Variants in RRBP1 observed in about 807,000 individuals in gnomAD.
RRBP1 encodes ribosome binding protein 1, also known as ribosome-binding protein 1.
RRBP1 carries 94 observed loss-of-function variants against 165.2 expected under a neutral mutation model. The ratio of observed to expected loss-of-function variants is 0.57; its 90% CI spans 0.48 to 0.68. The LOEUF (loss-of-function observed/expected upper bound fraction) is 0.68. Among genes scored for constraint, RRBP1 ranks in the 30% least tolerant of loss-of-function variants. The pLI is 0.00. For synonymous variants in RRBP1, 680 were observed against 714.5 expected, an observed-to-expected ratio of 0.95 and a Z score of 0.77; for missense variants, 1,676 against 1,763.0, an observed-to-expected ratio of 0.95 and a Z score of 0.88.
chr20:17,659,793 C>T lies in RRBP1; in HGVS notation c.715G>A (p.Gly239Arg). The change falls in exon 3 of 25, where the codon GGG becomes AGG. Residue 239 changes from glycine to arginine, a missense_variant. By Grantham distance (125) the Gly-to-Arg change is moderately radical. This residue lies in a region of RRBP1 where 392 missense variants were observed against 382.5 expected (regional missense o/e 1.02). Transcript: ENST00000377813. Reference sequence around the variant, plus strand: ...TTTGGGGTTCCCTCTGCCTTTTTCCCTTGGTTTGGGGTTCCCTCTGTCTTT... The same window carrying T: ...TTTGGGGTTCCCTCTGCCTTTTTCCTTTGGTTTGGGGTTCCCTCTGTCTTT... ...GKKTEGTPNQ[G>R]KKAEGTPNQG... The T allele has an allele frequency of 6.4e-7, 1 of 1,550,748 alleles. No individual in the cohort carries two copies. Among genetic ancestry groups the T allele is most frequent in the Non-Finnish European group, 8.7e-7 (1 of 1,146,970 alleles).
chr20:17,613,959 C>T lies in RRBP1; in HGVS notation c.*223G>A, dbSNP rs1384051902. ...GTCACTCGGCGGTGGCCCGGGGCTGCGCCCAGGATAGTGTTTATCAAATGT... is the reference window on the plus strand; with the variant it reads ...GTCACTCGGCGGTGGCCCGGGGCTGTGCCCAGGATAGTGTTTATCAAATGT... On this transcript the variant is annotated 3_prime_UTR_variant, in exon 25 of 25. Transcript: ENST00000377813. The T allele has an allele frequency of 3.1e-5, 17 of 545,088 alleles. No homozygotes were observed. The highest frequency in any genetic ancestry group is 1.3e-4 in the Admixed American group (4 of 31,758). 33.8% of individuals were successfully genotyped at this position (545,088 alleles called of 1,614,324 possible).
chr20:17,617,291 C>T lies in RRBP1; in HGVS notation c.3760-452G>A, dbSNP rs143366337. Among the ~76,000 whole-genome samples, 77 of 152,378 alleles carry T rather than the reference C, an allele frequency of 5.1e-4. No homozygotes were observed. In the Middle Eastern group the frequency reaches 0.01, roughly 20 times the overall value. ...AACAAGGTCCCCCACCCCTACGCTC[C>T]ATCACTGGGGTTAGGTGGCATATCT... is the stretch of plus-strand genomic sequence containing the variant. On this transcript the variant is annotated intron_variant, in intron 20 of 24. Coordinates refer to ENST00000377813, the MANE Select transcript of RRBP1 (RefSeq NM_001365613.2).
intron 1 of RRBP1, among the ~76,000 whole-genome samples, 185 bp from the exon 2 acceptor site, chr20:17,680,260 C>T (rs1222485427): frequency 6.6e-6 from 1 of 152,140 alleles, no homozygotes; most frequent in Non-Finnish European, 1.5e-5. Flanking sequence ...GAGAATGCCC[C>T]CCAGCTGCAC....
intron 2 of RRBP1, among the ~76,000 whole-genome samples, chr20:17,664,093 C>CA (rs1321994932): frequency 1.3e-5 from 2 of 152,116 alleles, no homozygotes; most frequent in African/African-American, 2.4e-5. Context: ...ACGAGATTAA[C>CA]AATAATAAAA....
rs1355662583 is a variant in RRBP1, at chr20:17,664,307, C to T, written c.-21-3779G>A. 2.6e-5 allele frequency among the ~76,000 whole-genome samples: 4 copies of T among 152,160 alleles called. No homozygotes were observed. The East Asian group carries it at 5.8e-4, about 22-fold the overall frequency. ...GGGATCGTTCACATCCCAGGCAAGA[C>T]GCTACTCAGAATGGCATGCAACTTA... is the stretch of plus-strand genomic sequence containing the variant. On this transcript the variant is annotated intron_variant, in intron 2 of 24. Coordinates refer to ENST00000377813, the MANE Select transcript of RRBP1 (RefSeq NM_001365613.2).
At chr20:17,621,332 G>A (rs1313758251) in intron 16 of RRBP1, 126 bp downstream of exon 16, 2 of 666,252 alleles carry the variant, frequency 3.0e-6, no homozygotes, top group East Asian at 2.7e-5. Context: ...CGAAGAACGG[G>A]GCCCAGAGTC....
chr20:17,658,397 C>T (rs1432246449), intron 3 of RRBP1, among the ~76,000 whole-genome samples, 199 bp downstream of exon 3: 1 of 152,224 alleles, frequency 6.6e-6, no homozygotes, highest in Non-Finnish European at 1.5e-5. Context: ...ACCGAGAAAG[C>T]TCACATCTGC....
chr20:17,614,135 G>C lies in RRBP1; in HGVS notation c.*47C>G, dbSNP rs1412019454. On this transcript the variant is annotated 3_prime_UTR_variant, in exon 25 of 25. Coordinates refer to ENST00000377813, the MANE Select transcript of RRBP1 (RefSeq NM_001365613.2). ...TGGTTTATTTGTAAGGAATGTGTAAGGCATTTTGGTAAGTTGAACAGTAAC... is the reference window on the plus strand; with the variant it reads ...TGGTTTATTTGTAAGGAATGTGTAACGCATTTTGGTAAGTTGAACAGTAAC... The C allele has an allele frequency of 6.3e-7, 1 of 1,590,564 alleles. No individual in the cohort carries two copies. The highest frequency in any genetic ancestry group is 1.3e-5 in the African/African-American group (1 of 74,550).
Position 17,614,200 on chromosome 20 carries a change from C to T in RRBP1, c.4215G>A (p.Lys1405=). ...AGGAAACTCAGACAGAGGTGCCCTCCTTTGAGCTGCTGCCGTCCTCCTGTG... is the reference window on the plus strand; with the variant it reads ...AGGAAACTCAGACAGAGGTGCCCTCTTTTGAGCTGCTGCCGTCCTCCTGTG... ...LEKAEDGSSS[K]EGTSV is the part of the protein sequence containing the mutation. Residue 1405 remains lysine (K), a synonymous_variant, in exon 25 of 25, where the codon AAG becomes AAA. Transcript: ENST00000377813. 6.2e-7 allele frequency: 1 copy of T among 1,613,864 alleles called. No homozygotes were observed. Among genetic ancestry groups the T allele is most frequent in the Non-Finnish European group, 8.5e-7 (1 of 1,179,984 alleles).
intron 7 of RRBP1, among the ~76,000 whole-genome samples, chr20:17,634,856 C>A (rs1434014738): frequency 6.6e-6 from 1 of 152,216 alleles, no homozygotes; most frequent in Non-Finnish European, 1.5e-5. Context: ...GAGCCATAGT[C>A]AAAACAGATA....
At chr20:17,614,484 A>G (rs544657971) in intron 24 of RRBP1, among the ~76,000 whole-genome samples, 4 of 152,212 alleles carry the variant, frequency 2.6e-5, no homozygotes, top group Admixed American at 2.0e-4. Context: ...GACCTGGGCC[A>G]GCAGGGGGAT....
At chr20:17,620,607 G>T in intron 17 of RRBP1, 108 bp downstream of exon 17, 1 of 891,156 alleles carries the variant, frequency 1.1e-6, no homozygotes, top group Non-Finnish European at 1.8e-6. Flanking sequence ...TCGTGGAAAA[G>T]CCCCACCGAG....
At chr20:17,662,523 G>A (rs1041166594) in intron 2 of RRBP1, among the ~76,000 whole-genome samples, 5 of 152,270 alleles carry the variant, frequency 3.3e-5, no homozygotes, top group Non-Finnish European at 7.4e-5. Context: ...GGAGCTCATG[G>A]AGGCCTTTGA....
chr20:17,672,360 A>T (rs1382858508), intron 2 of RRBP1, among the ~76,000 whole-genome samples: 1 of 152,154 alleles, frequency 6.6e-6, no homozygotes, highest in African/African-American at 2.4e-5. Context: ...TCAGCAATAA[A>T]ATCTGACCCT....
intron 8 of RRBP1, 37 bp downstream of exon 8, chr20:17,633,423 T>C: frequency 1.3e-6 from 2 of 1,597,556 alleles, no homozygotes; most frequent in Non-Finnish European, 1.7e-6. Flanking sequence ...TGCTGGGCAG[T>C]GAACAGGGCA....
intron 3 of RRBP1, among the ~76,000 whole-genome samples, chr20:17,646,895 G>T (rs1183456374): frequency 6.6e-6 from 1 of 152,288 alleles, no homozygotes; most frequent in East Asian, 1.9e-4. Flanking sequence ...GGCCTCATGA[G>T]ACTCAGCGGC....
chr20:17,619,468 T>C, intron 19 of RRBP1, 165 bp downstream of exon 19: 1 of 527,876 alleles, frequency 1.9e-6, no homozygotes, highest in South Asian at 2.8e-5. Context: ...ACCTCAGGCC[T>C]GACAGCCCAA....
Position 17,636,603 on chromosome 20 carries a change from T to C in RRBP1, c.2311A>G (p.Lys771Glu). Residue 771 changes from lysine to glutamate, a missense_variant, in exon 6 of 25, where the codon AAG (lysine) becomes GAG (glutamate). This residue lies in a region of RRBP1 where 1,184 missense variants were observed against 1,167.1 expected (regional missense o/e 1.01). Transcript: ENST00000377813. The stretch of plus-strand genomic sequence containing the variant: ...TTGCCCTGCAGCTGCTGCACCTCCT[T>C]CACGTGCTCCCGGTAGCTGGCCTGC... ...RMQASYREHV[K>E]EVQQLQGKIR... The C allele has an allele frequency of 1.2e-6, 2 of 1,612,290 alleles. No homozygotes were observed. The highest frequency in any genetic ancestry group is 1.7e-6 in the Non-Finnish European group (2 of 1,180,006).
At position 17,658,639 on chromosome 20, in the gene RRBP1, A is replaced by AGCCTCTTGCTTTGGT; in HGVS notation, c.1854_1868dup (p.Lys620_Pro624dup). On this transcript the variant is annotated inframe_insertion, in exon 3 of 25. Transcript: ENST00000377813. ...TTGAACCAGACTTCTTCTTGGCAGG[A>AGCCTCTTGCTTTGGT]GCCTCTTGCTTTGGTGCCTCTGGGC... The AGCCTCTTGCTTTGGT allele has an allele frequency of 6.2e-7, 1 of 1,609,884 alleles. No homozygotes were observed. Among genetic ancestry groups the AGCCTCTTGCTTTGGT allele is most frequent in the African/African-American group, 1.3e-5 (1 of 74,440 alleles).
Sources: gnomAD v4.1 joint callset for allele counts (sites outside exome capture counted in the v4.1 genomes callset) on GRCh38, gnomAD v4.1.1 for gene constraint, gnomAD v4.1.1 regional missense constraint, MANE v1.5 for transcripts, NCBI Gene and HGNC (gene_info 2026-07-23, HGNC 2026-07-21) for gene names.